The following TCF12 variants were observed in gnomAD, a reference collection of about 807,000 sequenced individuals.
TCF12 encodes DNA-binding protein HTF4.
In TCF12, 45 loss-of-function variants were observed where a neutral mutation model predicts 86.0. The observed-to-expected ratio is 0.52, with a 90% CI of 0.41 to 0.67. The LOEUF (loss-of-function observed/expected upper bound fraction) is 0.67. Ranked by LOEUF, TCF12 falls within the 30% of genes least tolerant of loss-of-function variation. TCF12 has a pLI of 0.00. For synonymous variants in TCF12, 330 were observed against 299.6 expected (o/e 1.10, Z -1.05); for missense variants, 881 against 859.9 (o/e 1.02, Z -0.31).
chr15:57,170,705 A>AAC (rs1555526146), intron 6 of TCF12, among the ~76,000 whole-genome samples: 5 of 36,740 alleles, frequency 1.4e-4, no homozygotes, highest in East Asian at 2.4e-3. Context: ...TATTATATAT[A>AAC]ATATATAATA....
intron 4 of TCF12, among the ~76,000 whole-genome samples, chr15:57,088,859 A>G (rs756018437): frequency 6.6e-6 from 1 of 152,160 alleles, no homozygotes; most frequent in Non-Finnish European, 1.5e-5. Flanking sequence ...TGATACATTG[A>G]CGTGCTAATA....
chr15:56,964,351 A>G (rs2061905903), intron 3 of TCF12, among the ~76,000 whole-genome samples: 1 of 152,216 alleles, frequency 6.6e-6, no homozygotes, highest in African/African-American at 2.4e-5. Flanking sequence ...ACAAAAATAA[A>G]TTCCCAGACT....
At chr15:57,039,866 C>T (rs2066778853) in intron 3 of TCF12, among the ~76,000 whole-genome samples, 1 of 152,164 alleles carries the variant, frequency 6.6e-6, no homozygotes, top group South Asian at 2.1e-4. Context: ...GGTGCCACAG[C>T]TCTTTGAGAT....
At chr15:57,148,407 T>C (rs1282548713) in intron 5 of TCF12, among the ~76,000 whole-genome samples, 4 of 87,016 alleles carry the variant, frequency 4.6e-5, no homozygotes, top group African/African-American at 1.3e-4. Flanking sequence ...AGGAAGACTT[T>C]GTTTAAAAAA....
chr15:56,922,436 A>G lies in TCF12; in HGVS notation c.148+1338A>G, dbSNP rs117770353. ...CTATTTTTAGAATAAAGGCAATTACATTTATTTCACTTTTTAAACTTAAGA... is the reference window on the plus strand; with the variant it reads ...CTATTTTTAGAATAAAGGCAATTACGTTTATTTCACTTTTTAAACTTAAGA... On this transcript the variant is annotated intron_variant, in intron 3 of 20. Transcript: ENST00000333725. Among the ~76,000 whole-genome samples, 616 of 152,140 alleles carry G rather than the reference A, an allele frequency of 4.0e-3. 6 individuals carry two copies. Among genetic ancestry groups the G allele is most frequent in the Admixed American group, 0.022 (330 of 15,294 alleles).
Position 57,077,248 on chromosome 15 carries a change from AAC to A in TCF12, c.222+13427_222+13428del, listed in dbSNP as rs535077011. Among the ~76,000 whole-genome samples the A allele has an allele frequency of 1.6e-3, 242 of 152,056 alleles. 1 individual carries two copies. Among genetic ancestry groups the A allele is most frequent in the African/African-American group, 5.6e-3 (232 of 41,492 alleles). On this transcript the variant is annotated intron_variant, in intron 4 of 20. Transcript: ENST00000333725. Reference sequence around the variant, plus strand: ...TGTAGATCAGTTGGAGGGGGAACTTAACAGTGTGGAGGCTTTTGATTCATGCA... The same window carrying A: ...TGTAGATCAGTTGGAGGGGGAACTTAAGTGTGGAGGCTTTTGATTCATGCA...
intron 6 of TCF12, among the ~76,000 whole-genome samples, chr15:57,169,080 T>A (rs531985698): frequency 6.6e-6 from 1 of 152,206 alleles, no homozygotes; most frequent in South Asian, 2.1e-4. Context: ...CCAAACTAAG[T>A]TACATCATTT....
chr15:57,042,445 A>T (rs1727431884), intron 3 of TCF12, among the ~76,000 whole-genome samples: 1 of 151,946 alleles, frequency 6.6e-6, no homozygotes, highest in Admixed American at 6.6e-5. Context: ...ACAAAGTCTT[A>T]ACTCTGTTGC....
intron 3 of TCF12, among the ~76,000 whole-genome samples, chr15:57,047,397 G>T (rs2067303598): frequency 6.6e-6 from 1 of 152,174 alleles, no homozygotes; most frequent in African/African-American, 2.4e-5. Flanking sequence ...TTGATTACCA[G>T]CTTACTTTGA....
chr15:56,951,051 C>T lies in TCF12; in HGVS notation c.148+29953C>T, dbSNP rs148884096. On this transcript the variant is annotated intron_variant, in intron 3 of 20. Coordinates refer to ENST00000333725, the MANE Select transcript of TCF12 (RefSeq NM_207037.2). ...GATTACAGATACGAGCCACTGCGCC[C>T]GGCCATTATGACCATTCTTAATGCA... 3.9e-5 allele frequency among the ~76,000 whole-genome samples: 6 copies of T among 152,148 alleles called. 1 individual carries two copies. The highest frequency in any genetic ancestry group is 1.9e-4 in the East Asian group (1 of 5,180).
intron 12 of TCF12, among the ~76,000 whole-genome samples, chr15:57,240,668 G>T (rs1265524130): frequency 6.6e-6 from 1 of 152,028 alleles, no homozygotes; most frequent in African/African-American, 2.4e-5. Flanking sequence ...GATCACTTCA[G>T]CCTAGGAGTT....
intron 5 of TCF12, among the ~76,000 whole-genome samples, chr15:57,165,166 G>GCA (rs2054794751): frequency 6.7e-6 from 1 of 149,282 alleles, no homozygotes; most frequent in Non-Finnish European, 1.5e-5. Context: ...GTGTGTGTGC[G>GCA]TACACGAGAT....
chr15:56,984,375 G>A (rs2063074261), intron 3 of TCF12, among the ~76,000 whole-genome samples: 1 of 151,076 alleles, frequency 6.6e-6, no homozygotes, highest in Admixed American at 6.6e-5. Flanking sequence ...TTTCATCCTT[G>A]TGCTAGCTCA....
chr15:57,029,911 TTTC>T (rs1446113626), intron 3 of TCF12, among the ~76,000 whole-genome samples: 4 of 152,188 alleles, frequency 2.6e-5, no homozygotes, highest in Non-Finnish European at 5.9e-5. Context: ...GTATCAGTAG[TTTC>T]TTTTCTTTTA....
At chr15:57,004,773 C>G (rs1418213680) in intron 3 of TCF12, among the ~76,000 whole-genome samples, 6 of 152,002 alleles carry the variant, frequency 3.9e-5, no homozygotes, top group African/African-American at 1.4e-4. Context: ...TCCGTCTGGT[C>G]TCGAACTCCT....
rs1214310930 is a variant in TCF12, at chr15:57,117,668, T to G, written c.325+25777T>G. ...CATACTTGATGCAGAAAGTAGTACC[T>G]GGCACATTGATAGTACTCTAGCATT... is the stretch of plus-strand genomic sequence containing the variant. On this transcript the variant is annotated intron_variant, in intron 5 of 20. Coordinates refer to ENST00000333725, the MANE Select transcript of TCF12 (RefSeq NM_207037.2). Among the ~76,000 whole-genome samples the G allele has an allele frequency of 5.9e-5, 9 of 152,322 alleles. No individual in the cohort carries two copies. In the East Asian group the frequency reaches 1.7e-3, roughly 29 times the overall value.
Position 57,158,034 on chromosome 15 carries a change from A to G in TCF12, c.326-8368A>G, listed in dbSNP as rs947268336. Among the ~76,000 whole-genome samples the G allele has an allele frequency of 1.4e-4, 22 of 152,232 alleles. 1 individual carries two copies. Among genetic ancestry groups the G allele is most frequent in the African/African-American group, 4.8e-4 (20 of 41,536 alleles). Reference sequence around the variant, plus strand: ...ATGATGGAAATGTAAACTGTTTTCTATAAACCTTCTCATCCTCACCTATTT... The same window carrying G: ...ATGATGGAAATGTAAACTGTTTTCTGTAAACCTTCTCATCCTCACCTATTT... On this transcript the variant is annotated intron_variant, in intron 5 of 20. Coordinates refer to ENST00000333725, the MANE Select transcript of TCF12 (RefSeq NM_207037.2).
chr15:57,116,659 A>G (rs763105800), intron 5 of TCF12, among the ~76,000 whole-genome samples: 8 of 152,120 alleles, frequency 5.3e-5, no homozygotes, highest in Admixed American at 3.3e-4. Flanking sequence ...AAATATTATT[A>G]TGTAGTATTT....
At chr15:57,038,845 T>G (rs1016139321) in intron 3 of TCF12, among the ~76,000 whole-genome samples, 3 of 152,168 alleles carry the variant, frequency 2.0e-5, no homozygotes, top group African/African-American at 4.8e-5. Context: ...ACATTAGCGT[T>G]GTATTGAAGT....
Sources: gnomAD v4.1 joint callset for allele counts (sites outside exome capture counted in the v4.1 genomes callset) on GRCh38, gnomAD v4.1.1 for gene constraint, MANE v1.5 for transcripts, NCBI Gene and HGNC (gene_info 2026-07-23, HGNC 2026-07-21) for gene names.